CLSTN2: variants seen among roughly 807,000 people sequenced by gnomAD.
The protein encoded by CLSTN2 is calsyntenin 2, also known as calsyntenin-2.
Under a neutral mutation model 101.2 loss-of-function variants are expected in CLSTN2, and 48 were observed. The ratio of observed to expected loss-of-function variants is 0.47; its 90% CI spans 0.38 to 0.60. The LOEUF is 0.60. CLSTN2 is among the 20% of genes least tolerant of loss of function. CLSTN2 has a pLI of 0.00. For missense variants in CLSTN2, 1,160 were observed against 1,238.2 expected (o/e 0.94, Z 0.95); for synonymous variants, 481 against 463.6 (o/e 1.04, Z -0.48).
intron 1 of CLSTN2, among the ~76,000 whole-genome samples, chr3:140,079,632 T>A (rs934878030): frequency 6.6e-6 from 1 of 151,854 alleles, no homozygotes; most frequent in Non-Finnish European, 1.5e-5. Flanking sequence ...ATGCCTGTAA[T>A]CCCAGCTACT....
chr3:140,192,161 T>C (rs928336020), intron 2 of CLSTN2, among the ~76,000 whole-genome samples: 2 of 151,936 alleles, frequency 1.3e-5, no homozygotes, highest in Non-Finnish European at 2.9e-5. Flanking sequence ...TGATTTCTAG[T>C]TTAATTCCAT....
chr3:140,319,649 C>A (rs2107922611), intron 2 of CLSTN2, among the ~76,000 whole-genome samples: 1 of 152,330 alleles, frequency 6.6e-6, no homozygotes, highest in Middle Eastern at 3.4e-3. Flanking sequence ...CCAGCAACAG[C>A]ATCCACAGGT....
chr3:140,317,616 G>A (rs1331328506), intron 2 of CLSTN2, among the ~76,000 whole-genome samples: 1 of 152,126 alleles, frequency 6.6e-6, no homozygotes, highest in African/African-American at 2.4e-5. Context: ...GTCTTTACTT[G>A]TTCAGGAGTA....
intron 1 of CLSTN2, among the ~76,000 whole-genome samples, chr3:140,166,646 C>T (rs2010139105): frequency 6.6e-6 from 1 of 152,132 alleles, no homozygotes; most frequent in Non-Finnish European, 1.5e-5. Flanking sequence ...AGCTGAGGAG[C>T]TCTCCTGAGG....
chr3:140,348,075 C>A (rs908503731), intron 2 of CLSTN2, among the ~76,000 whole-genome samples: 1 of 152,196 alleles, frequency 6.6e-6, no homozygotes, highest in Admixed American at 6.5e-5. Flanking sequence ...TGAGTGTTAG[C>A]TCTACCTCCT....
intron 9 of CLSTN2, among the ~76,000 whole-genome samples, chr3:140,545,597 C>T (rs1935569991): frequency 6.6e-6 from 1 of 152,186 alleles, no homozygotes; most frequent in South Asian, 2.1e-4. Context: ...ATGGAAGGAG[C>T]CTGTGCTCAG....
intron 2 of CLSTN2, among the ~76,000 whole-genome samples, chr3:140,326,326 C>T (rs1042253583): frequency 2.0e-5 from 3 of 152,156 alleles, no homozygotes; most frequent in African/African-American, 7.2e-5. Flanking sequence ...GTTGGGGAGG[C>T]AAGACAGAGG....
At chr3:140,510,582 G>C (rs1282653166) in intron 8 of CLSTN2, among the ~76,000 whole-genome samples, 1 of 152,154 alleles carries the variant, frequency 6.6e-6, no homozygotes, top group Non-Finnish European at 1.5e-5. Flanking sequence ...AAACGAGGGT[G>C]GTCTCTTTGA....
At chr3:140,136,731 G>A (rs896004076) in intron 1 of CLSTN2, among the ~76,000 whole-genome samples, 3 of 152,200 alleles carry the variant, frequency 2.0e-5, no homozygotes, top group African/African-American at 7.2e-5. Flanking sequence ...GTTGTTGTGA[G>A]AATTGGATGG....
rs182808723 is a variant in CLSTN2 at position 140,082,530 on chromosome 3, G to A, written c.110-93421G>A. On this transcript the variant is annotated intron_variant, in intron 1 of 16. Coordinates refer to ENST00000458420, the MANE Select transcript of CLSTN2 (RefSeq NM_022131.3). Reference sequence around the variant, plus strand: ...ATTAAGTCCACCCTGGATTTTGAGAGCCTCCCACTGTGGCACCCACTACTT... The same window carrying A: ...ATTAAGTCCACCCTGGATTTTGAGAACCTCCCACTGTGGCACCCACTACTT... Among the ~76,000 whole-genome samples, 13 of 152,154 alleles carry A rather than the reference G, an allele frequency of 8.5e-5. No homozygotes were observed. In the East Asian group the frequency reaches 2.1e-3, roughly 25 times the overall value.
At chr3:140,056,812 A>G (rs2008105583) in intron 1 of CLSTN2, among the ~76,000 whole-genome samples, 1 of 152,220 alleles carries the variant, frequency 6.6e-6, no homozygotes, top group Non-Finnish European at 1.5e-5. Context: ...TGTAGCATTG[A>G]ACAAGGGTAG....
At chr3:140,352,532 A>G (rs2087619605) in intron 2 of CLSTN2, among the ~76,000 whole-genome samples, 1 of 152,256 alleles carries the variant, frequency 6.6e-6, no homozygotes, top group Non-Finnish European at 1.5e-5. Context: ...AAACAAGGGC[A>G]CAGTAAATGT....
intron 5 of CLSTN2, among the ~76,000 whole-genome samples, chr3:140,423,109 A>C (rs1283589723): frequency 6.6e-6 from 1 of 152,218 alleles, no homozygotes; most frequent in Non-Finnish European, 1.5e-5. Context: ...TGCTTCTTTG[A>C]CTTTGACAAA....
intron 2 of CLSTN2, among the ~76,000 whole-genome samples, chr3:140,330,477 C>T (rs987486): frequency 0.47 from 71,365 of 151,988 alleles, 17,342 homozygotes; most frequent in Non-Finnish European, 0.54. Context: ...TCTGGCAGTA[C>T]TAAACCCCAG....
chr3:140,466,782 C>T, intron 8 of CLSTN2, 51 bp downstream of exon 8: 1 of 1,609,282 alleles, frequency 6.2e-7, no homozygotes, highest in Middle Eastern at 2.0e-4. Context: ...GCGGGGGTGG[C>T]CAGTCCAATC....
intron 8 of CLSTN2, among the ~76,000 whole-genome samples, chr3:140,494,153 G>T (rs899588564): frequency 1.3e-5 from 2 of 152,184 alleles, no homozygotes; most frequent in Non-Finnish European, 2.9e-5. Context: ...AGAACCAATT[G>T]TGTGACCCTC....
intron 1 of CLSTN2, among the ~76,000 whole-genome samples, chr3:140,099,928 C>A (rs559367676): frequency 6.6e-6 from 1 of 152,164 alleles, no homozygotes; most frequent in Non-Finnish European, 1.5e-5. Flanking sequence ...AGCACATGCC[C>A]TCATGACCTA....
intron 1 of CLSTN2, among the ~76,000 whole-genome samples, chr3:140,149,129 G>GTCCCC: frequency 6.6e-6 from 1 of 152,262 alleles, no homozygotes; most frequent in African/African-American, 2.4e-5. Context: ...CCTTAGAAAT[G>GTCCCC]TCCATTCCTG....
At chr3:140,152,196 C>T (rs2009877983) in intron 1 of CLSTN2, among the ~76,000 whole-genome samples, 1 of 152,160 alleles carries the variant, frequency 6.6e-6, no homozygotes, top group Non-Finnish European at 1.5e-5. Flanking sequence ...GAATCATGTT[C>T]TAATGTCCTT....
Sources: gnomAD v4.1 joint callset for allele counts (sites outside exome capture counted in the v4.1 genomes callset) on GRCh38, gnomAD v4.1.1 for gene constraint, MANE v1.5 for transcripts, NCBI Gene and HGNC (gene_info 2026-07-23, HGNC 2026-07-21) for gene names.